KCNJ1: variants seen among roughly 807,000 people sequenced by gnomAD.
KCNJ1 encodes potassium inwardly rectifying channel subfamily J member 1, also known as ATP-sensitive inward rectifier potassium channel 1.
In KCNJ1, 24 loss-of-function variants were observed where a neutral mutation model predicts 21.9. That is an observed-to-expected ratio of 1.10 (90% CI 0.79 to 1.54). KCNJ1 has a LOEUF of 1.54. Among genes scored for constraint, KCNJ1 ranks in the 40% most tolerant of loss-of-function variants. The probability of loss-of-function intolerance (pLI) is 0.00; values close to 1 mark genes in which losing one functional copy is unlikely to be tolerated. For missense variants in KCNJ1, 457 were observed against 455.4 expected (o/e 1.00, Z -0.03); for synonymous variants, 152 against 160.9 (o/e 0.94, Z 0.42).
chr11:128,845,793 C>G (rs1302530455), intron 2 of KCNJ1, among the ~76,000 whole-genome samples: 1 of 152,184 alleles, frequency 6.6e-6, no homozygotes, highest in Non-Finnish European at 1.5e-5. Context: ...GAATGCACTT[C>G]AGGAATACCC....
At chr11:128,864,020 G>A (rs1014717500) in intron 1 of KCNJ1, among the ~76,000 whole-genome samples, 2 of 149,132 alleles carry the variant, frequency 1.3e-5, no homozygotes, top group African/African-American at 4.9e-5. Flanking sequence ...GGTAACTTAA[G>A]GTTTGACCTT....
At chr11:128,866,578 A>G in intron 1 of KCNJ1, 2 of 957,904 alleles carry the variant, frequency 2.1e-6, no homozygotes, top group Non-Finnish European at 2.5e-6. Flanking sequence ...AATTGTCACA[A>G]CAGTCATTAG....
intron 1 of KCNJ1, among the ~76,000 whole-genome samples, chr11:128,864,462 T>C (rs1943781166): frequency 1.3e-5 from 2 of 152,150 alleles, no homozygotes; most frequent in African/African-American, 2.4e-5. Flanking sequence ...ATGTTTGTTT[T>C]TGTTGTTTTC....
At chr11:128,849,418 G>A (rs571790841) in intron 2 of KCNJ1, among the ~76,000 whole-genome samples, 21 of 152,320 alleles carry the variant, frequency 1.4e-4, no homozygotes, top group Non-Finnish European at 2.6e-4. Flanking sequence ...AGCTAGCAAG[G>A]GTCCAAACCT....
chr11:128,852,340 A>G (rs1283815705), intron 1 of KCNJ1, among the ~76,000 whole-genome samples: 1 of 152,184 alleles, frequency 6.6e-6, no homozygotes, highest in Non-Finnish European at 1.5e-5. Flanking sequence ...CTGCAATAGC[A>G]TCCTGCTTCT....
At chr11:128,853,522 T>A (rs7114745) in intron 1 of KCNJ1, among the ~76,000 whole-genome samples, 1 of 152,198 alleles carries the variant, frequency 6.6e-6, no homozygotes, top group Non-Finnish European at 1.5e-5. Flanking sequence ...GGGGAGTGAC[T>A]GCTAATGGGC....
chr11:128,858,172 T>A (rs658903), intron 1 of KCNJ1, among the ~76,000 whole-genome samples: 17,731 of 143,354 alleles, frequency 0.12, 1,214 homozygotes, highest in South Asian at 0.22. Flanking sequence ...TGGCGAGGGA[T>A]GGCGAGGGAT....
intron 2 of KCNJ1, among the ~76,000 whole-genome samples, chr11:128,848,661 C>T (rs1033613028): frequency 2.6e-5 from 4 of 152,198 alleles, no homozygotes. Flanking sequence ...CTGTGAGGAA[C>T]AGTGACAAGG....
chr11:128,864,126 C>T (rs1943770937), intron 1 of KCNJ1, among the ~76,000 whole-genome samples: 1 of 135,918 alleles, frequency 7.4e-6, no homozygotes, highest in Non-Finnish European at 1.5e-5. Context: ...CCCTATCACC[C>T]AGGCTTGAGG....
At chr11:128,844,746 T>C (rs1943349352) in intron 2 of KCNJ1, among the ~76,000 whole-genome samples, 1 of 151,738 alleles carries the variant, frequency 6.6e-6, no homozygotes, top group African/African-American at 2.4e-5. Context: ...TGCTCAGCAG[T>C]CAAACAGCCA....
At chr11:128,841,443 G>A (rs1412549247) in intron 2 of KCNJ1, among the ~76,000 whole-genome samples, 1 of 152,110 alleles carries the variant, frequency 6.6e-6, no homozygotes, top group Non-Finnish European at 1.5e-5. Context: ...ACAGCAAAAT[G>A]GTGAAGGGCC....
chr11:128,842,359 T>A lies in KCNJ1; in HGVS notation c.-21-2095A>T, dbSNP rs771649038. 2.5e-6 allele frequency: 4 copies of A among 1,613,444 alleles called. No individual in the cohort carries two copies. In the Middle Eastern group the frequency reaches 5.0e-4, roughly 200 times the overall value. ...TTATCTGCCTGGCTTTCCAGAGAGG[T>A]GATTTCCCCAGCCTCCACTTACCAA... On this transcript the variant is annotated intron_variant, in intron 2 of 2. Coordinates refer to ENST00000392666, the MANE Select transcript of KCNJ1 (RefSeq NM_153766.3).
chr11:128,866,291 T>C (rs117962794), intron 1 of KCNJ1, among the ~76,000 whole-genome samples: 1,602 of 152,220 alleles, frequency 0.011, 9 homozygotes, highest in Non-Finnish European at 0.018. Context: ...CAACTAATAA[T>C]CCAGGTACAA....
intron 1 of KCNJ1, among the ~76,000 whole-genome samples, chr11:128,866,867 T>C (rs555706981): frequency 2.2e-4 from 34 of 152,104 alleles, no homozygotes; most frequent in Non-Finnish European, 4.7e-4. Flanking sequence ...AAACCCTACA[T>C]ACATCTCTGC....
At chr11:128,861,066 G>A (rs1240852414) in intron 1 of KCNJ1, among the ~76,000 whole-genome samples, 42 of 152,214 alleles carry the variant, frequency 2.8e-4, no homozygotes, top group Admixed American at 2.6e-3. Flanking sequence ...CACAAGCAGG[G>A]CCCACGAATG....
rs768388648 is a variant in KCNJ1, at chr11:128,839,333, T to C, written c.911A>G (p.Tyr304Cys). ...CTTGGATACTATGGGAGCAAAACGG[T>C]AGCCCCAAAGCACCTCCTCTGGGAC... is the stretch of plus-strand genomic sequence containing the variant. ...SYVPEEVLWG[Y>C]RFAPIVSKTK... The change falls in exon 3 of 3, where the codon TAC (tyrosine) becomes TGC (cysteine). Residue 304 changes from tyrosine to cysteine, a missense_variant. Coordinates refer to ENST00000392666, the MANE Select transcript of KCNJ1 (RefSeq NM_153766.3). 7.4e-6 allele frequency: 12 copies of C among 1,614,042 alleles called. No individual in the cohort carries two copies. In the East Asian group the frequency reaches 2.2e-4, roughly 30 times the overall value.
rs3181542 is a variant in KCNJ1, at chr11:128,839,109, C to T, written c.*16G>A. On this transcript the variant is annotated 3_prime_UTR_variant, in exon 3 of 3. Transcript: ENST00000392666. ...AGCTTTAGAGACTTTGCTTTACTCC[C>T]GTTGAAAAGCCACTGTTACATTTTG... The T allele has an allele frequency of 7.1e-3, 11,455 of 1,610,408 alleles. 67 individuals carry two copies. Among genetic ancestry groups the T allele is most frequent in the Non-Finnish European group, 8.4e-3 (9,860 of 1,178,536 alleles).
At chr11:128,842,626 A>G in intron 2 of KCNJ1, 1 of 1,084,984 alleles carries the variant, frequency 9.2e-7, no homozygotes, top group East Asian at 2.7e-5. Context: ...CTGAATAGGT[A>G]TTTTTTCTTT....
chr11:128,838,835 G>T lies in KCNJ1; in HGVS notation c.*290C>A. 7.6e-6 allele frequency: 3 copies of T among 395,714 alleles called. No homozygotes were observed. Among genetic ancestry groups the T allele is most frequent in the Non-Finnish European group, 1.4e-5 (3 of 219,252 alleles). 24.5% of individuals were successfully genotyped at this position (395,714 alleles called of 1,614,324 possible). ...CATGAAACTTTTGATAATTTTATCT[G>T]CTCCAATCCACCTTATATGAGCTCA... On this transcript the variant is annotated 3_prime_UTR_variant, in exon 3 of 3. Transcript: ENST00000392666.
Sources: gnomAD v4.1 joint callset for allele counts (sites outside exome capture counted in the v4.1 genomes callset) on GRCh38, gnomAD v4.1.1 for gene constraint, MANE v1.5 for transcripts, NCBI Gene and HGNC (gene_info 2026-07-23, HGNC 2026-07-21) for gene names.